ZNF609: variants seen among roughly 807,000 people sequenced by gnomAD.
ZNF609 encodes zinc finger protein 609.
Under a neutral mutation model 109.5 loss-of-function variants are expected in ZNF609, and 11 were observed. The observed-to-expected ratio is 0.10, with a 90% CI of 0.06 to 0.17. The LOEUF is 0.17. Ranked by LOEUF, ZNF609 falls within the 10% of genes least tolerant of loss-of-function variation. ZNF609 has a pLI of 1.00. For missense variants in ZNF609, 1,559 were observed against 1,772.4 expected (o/e 0.88, Z 2.16); for synonymous variants, 646 against 662.0 (o/e 0.98, Z 0.37).
At chr15:64,562,238 A>T (rs1382054431) in intron 2 of ZNF609, among the ~76,000 whole-genome samples, 1 of 152,234 alleles carries the variant, frequency 6.6e-6, no homozygotes, top group Non-Finnish European at 1.5e-5. Context: ...TGATTGTCAA[A>T]GTTCTGTTCA....
intron 2 of ZNF609, among the ~76,000 whole-genome samples, chr15:64,591,819 C>T (rs1393929145): frequency 6.6e-6 from 1 of 151,792 alleles, no homozygotes; most frequent in African/African-American, 2.4e-5. Context: ...TCAAGTGATT[C>T]TCTTGCCTCA....
chr15:64,668,219 A>G (rs1215184650), intron 3 of ZNF609, among the ~76,000 whole-genome samples: 1 of 152,212 alleles, frequency 6.6e-6, no homozygotes, highest in Non-Finnish European at 1.5e-5. Context: ...TAACCAATAA[A>G]AACCAGGACT....
At chr15:64,554,968 C>T (rs1266287535) in intron 2 of ZNF609, among the ~76,000 whole-genome samples, 1 of 151,710 alleles carries the variant, frequency 6.6e-6, no homozygotes, top group African/African-American at 2.4e-5. Context: ...CAGTGATGTG[C>T]GCCTGTAATT....
At position 64,675,602 on chromosome 15, in the gene ZNF609, G is replaced by C. The variant is rs765462144; in HGVS notation, c.2748G>C (p.Gln916His). Residue 916 changes from glutamine to histidine, a missense_variant, in exon 5 of 10, where the codon CAG (glutamine) becomes CAC (histidine). Physicochemically the swap from Gln to His is conservative, Grantham distance 24. Transcript: ENST00000326648. ...CTGGGGCTCTGAACCCCAGCAGCCA[G>C]GCAGGAGTGGAGAGCCAGGCCCTGA... ...SSPGALNPSS[Q>H]AGVESQALKT... is the part of the protein sequence containing the mutation. 6 of 1,614,138 alleles carry C rather than the reference G, an allele frequency of 3.7e-6. No homozygotes were observed. Among genetic ancestry groups the C allele is most frequent in the Non-Finnish European group, 5.1e-6 (6 of 1,180,036 alleles).
At chr15:64,508,869 A>T (rs1595702541) in intron 2 of ZNF609, among the ~76,000 whole-genome samples, 1 of 151,292 alleles carries the variant, frequency 6.6e-6, no homozygotes, top group Non-Finnish European at 1.5e-5. Context: ...TAATTTTTAA[A>T]TTTTTTTAGA....
intron 2 of ZNF609, among the ~76,000 whole-genome samples, chr15:64,573,000 G>GCCTCCTCT (rs1339860842): frequency 1.3e-5 from 2 of 152,164 alleles, no homozygotes; most frequent in African/African-American, 4.8e-5. Flanking sequence ...CTAGATTTTG[G>GCCTCCTCT]CCTCCTCTTG....
At chr15:64,514,621 T>C (rs1893780620) in intron 2 of ZNF609, among the ~76,000 whole-genome samples, 2 of 152,114 alleles carry the variant, frequency 1.3e-5, no homozygotes, top group African/African-American at 4.8e-5. Flanking sequence ...CTTTCACCTT[T>C]AGATTCTATC....
chr15:64,490,639 A>G (rs1384347290), intron 1 of ZNF609, among the ~76,000 whole-genome samples: 5 of 152,040 alleles, frequency 3.3e-5, no homozygotes, highest in Admixed American at 6.6e-5. Flanking sequence ...TGGCCTAGCT[A>G]TACACAGGAT....
chr15:64,570,353 T>C (rs1292607046), intron 2 of ZNF609, among the ~76,000 whole-genome samples: 3 of 152,218 alleles, frequency 2.0e-5, no homozygotes, highest in Non-Finnish European at 4.4e-5. Flanking sequence ...TTAAATACTT[T>C]TATAAAAGGC....
At chr15:64,601,182 T>C (rs1236474462) in intron 2 of ZNF609, among the ~76,000 whole-genome samples, 1 of 152,196 alleles carries the variant, frequency 6.6e-6, no homozygotes, top group East Asian at 1.9e-4. Context: ...AAGCCCTTTC[T>C]TCCCATGAAA....
chr15:64,480,496 A>G (rs545455304), intron 1 of ZNF609, among the ~76,000 whole-genome samples: 4 of 151,566 alleles, frequency 2.6e-5, no homozygotes, highest in Non-Finnish European at 5.9e-5. Flanking sequence ...CCACCACTGC[A>G]CTCCAGCCTG....
chr15:64,482,476 C>G (rs1175891421), intron 1 of ZNF609, among the ~76,000 whole-genome samples: 1 of 151,812 alleles, frequency 6.6e-6, no homozygotes, highest in African/African-American at 2.4e-5. Flanking sequence ...TCAGAGTTAG[C>G]CTGTGGAATG....
At chr15:64,605,746 T>C (rs1164505658) in intron 2 of ZNF609, among the ~76,000 whole-genome samples, 1 of 149,414 alleles carries the variant, frequency 6.7e-6, no homozygotes, top group Admixed American at 6.7e-5. Context: ...TTTTTTTTTT[T>C]TTTTTGAGAC....
At chr15:64,632,384 A>G (rs1272959553) in intron 3 of ZNF609, among the ~76,000 whole-genome samples, 1 of 152,182 alleles carries the variant, frequency 6.6e-6, no homozygotes, top group Non-Finnish European at 1.5e-5. Context: ...AAAATGCAAA[A>G]TCCAACAATA....
chr15:64,561,593 C>G (rs62022730), intron 2 of ZNF609, among the ~76,000 whole-genome samples: 1 of 144,206 alleles, frequency 6.9e-6, no homozygotes, highest in Admixed American at 7.1e-5. Context: ...TGGGGTCTGC[C>G]TGTGTTGGCC....
At chr15:64,594,411 C>T (rs1035739816) in intron 2 of ZNF609, among the ~76,000 whole-genome samples, 2 of 151,728 alleles carry the variant, frequency 1.3e-5, no homozygotes, top group Non-Finnish European at 2.9e-5. Flanking sequence ...CAGCTCACTG[C>T]AACCTCCACC....
intron 1 of ZNF609, among the ~76,000 whole-genome samples, chr15:64,480,685 G>A (rs1443415145): frequency 1.3e-5 from 2 of 152,156 alleles, no homozygotes; most frequent in Admixed American, 1.3e-4. Flanking sequence ...GGAATAACAA[G>A]CAATAGTAAT....
intron 2 of ZNF609, among the ~76,000 whole-genome samples, chr15:64,593,591 A>G (rs1365669236): frequency 6.6e-6 from 1 of 152,080 alleles, no homozygotes; most frequent in Non-Finnish European, 1.5e-5. Context: ...CAGTGGTGCA[A>G]TCACAGCTCA....
intron 2 of ZNF609, among the ~76,000 whole-genome samples, chr15:64,507,452 A>C (rs1335123421): frequency 2.0e-5 from 3 of 152,206 alleles, no homozygotes; most frequent in Non-Finnish European, 2.9e-5. Flanking sequence ...GCCATGCTTG[A>C]GTAACCCGCC....
Sources: allele counts gnomAD v4.1 joint callset (sites outside exome capture counted in the v4.1 genomes callset), GRCh38; gene constraint gnomAD v4.1.1; transcripts MANE v1.5; gene names NCBI Gene and HGNC (gene_info 2026-07-23, HGNC 2026-07-21).